The following FOXK1 variants were observed in gnomAD, a reference collection of about 807,000 sequenced individuals.
The protein encoded by FOXK1 is forkhead box protein K1.
FOXK1 carries 19 observed loss-of-function variants against 51.9 expected under a neutral mutation model. The observed-to-expected ratio is 0.37, with a 90% CI of 0.26 to 0.54. The LOEUF (loss-of-function observed/expected upper bound fraction) is 0.54, where lower values mean the gene tolerates loss of function less well. Ranked by LOEUF, FOXK1 falls within the 20% of genes least tolerant of loss-of-function variation. The pLI, the probability that FOXK1 is intolerant of heterozygous loss-of-function variation, is 0.87. For synonymous variants in FOXK1, 537 were observed against 482.6 expected, an observed-to-expected ratio of 1.11 and a Z score of -1.48; for missense variants, 870 against 1,032.7, an observed-to-expected ratio of 0.84 and a Z score of 2.16.
chr7:4,732,647 C>T (rs932428723), intron 1 of FOXK1, among the ~76,000 whole-genome samples: 13 of 152,168 alleles, frequency 8.5e-5, no homozygotes, highest in African/African-American at 2.9e-4. Flanking sequence ...GCCATAGTAA[C>T]GCAAGGCTTC....
Position 4,759,219 on chromosome 7 carries a change from T to A in FOXK1, c.1411+2T>A, listed in dbSNP as rs749368186. 1 of 1,610,650 alleles carries A rather than the reference T, an allele frequency of 6.2e-7. No individual in the cohort carries two copies. Among genetic ancestry groups the A allele is most frequent in the Admixed American group, 1.7e-5 (1 of 59,982 alleles). On this transcript the variant is annotated splice_donor_variant, in intron 6 of 8. Coordinates refer to ENST00000328914, the MANE Select transcript of FOXK1 (RefSeq NM_001037165.2). LOFTEE classifies it high-confidence loss of function. ...ACCGGTATTCCCAAAGCGCACCCGG[T>A]AAGGAGCGGGCGGCCCTCTTGCGGG...
At chr7:4,750,235 G>C (rs1000241946) in intron 2 of FOXK1, among the ~76,000 whole-genome samples, 2 of 152,124 alleles carry the variant, frequency 1.3e-5, no homozygotes, top group African/African-American at 4.8e-5. Context: ...GGCTGTCACT[G>C]TCCAGCCTCT....
At position 4,742,537 on chromosome 7, in the gene FOXK1, C is replaced by A. The variant is rs137961573; in HGVS notation, c.746+1514C>A. ...GCTCAAGCGGTCTCCCCACCTCAGC[C>A]TCCCAAGTTGCTGGGACCACAGGCA... On this transcript the variant is annotated intron_variant, in intron 2 of 8. Coordinates refer to ENST00000328914, the MANE Select transcript of FOXK1 (RefSeq NM_001037165.2). Among the ~76,000 whole-genome samples, 5 of 152,314 alleles carry A rather than the reference C, an allele frequency of 3.3e-5. No individual in the cohort carries two copies. The South Asian group carries it at 1.0e-3, about 32-fold the overall frequency.
In FOXK1 at chr7:4,710,047, C is replaced by T. The variant is rs138890633; in HGVS notation, c.560+27179C>T. 3.8e-3 allele frequency among the ~76,000 whole-genome samples: 576 copies of T among 152,286 alleles called. 2 individuals are homozygous for T. Among genetic ancestry groups the T allele is most frequent in the African/African-American group, 0.012 (485 of 41,558 alleles). ...GTTAGTTCAGCGCCACTTCTTCTTA[C>T]GGTTTTAATTGTAGTGTCAAAAAAT... On this transcript the variant is annotated intron_variant, in intron 1 of 8. Transcript: ENST00000328914.
intron 1 of FOXK1, among the ~76,000 whole-genome samples, chr7:4,696,158 C>G (rs1264215782): frequency 6.6e-6 from 1 of 151,712 alleles, no homozygotes; most frequent in South Asian, 2.1e-4. Context: ...AGTCTGACCC[C>G]TGACATACAT....
At chr7:4,710,966 C>A (rs182799301) in intron 1 of FOXK1, among the ~76,000 whole-genome samples, 113 of 152,270 alleles carry the variant, frequency 7.4e-4, no homozygotes, top group African/African-American at 2.6e-3. Context: ...CTGTCGACAC[C>A]GTCCTAGCCA....
rs1188121387 is a variant in FOXK1 at position 4,747,122 on chromosome 7, A to G, written c.746+6099A>G. 6.6e-6 allele frequency among the ~76,000 whole-genome samples: 1 copy of G among 152,040 alleles called. No individual in the cohort carries two copies. The highest frequency in any genetic ancestry group is 1.5e-5 in the Non-Finnish European group (1 of 68,006). ...GTGTTTGTCCGAATCTGTTGAAAGG[A>G]CATCCCCACGCCCGCGTTTCCTGTA... On this transcript the variant is annotated intron_variant, in intron 2 of 8. Coordinates refer to ENST00000328914, the MANE Select transcript of FOXK1 (RefSeq NM_001037165.2). This position sits in a 1 kb window ranked among gnomAD's most constrained non-coding sequence, Gnocchi z 9.2.
At chr7:4,690,882 T>C (rs1779883369) in intron 1 of FOXK1, among the ~76,000 whole-genome samples, 1 of 152,208 alleles carries the variant, frequency 6.6e-6, no homozygotes, top group Non-Finnish European at 1.5e-5. Flanking sequence ...ATTGCAGCAA[T>C]GCCTCATTTC....
intron 1 of FOXK1, among the ~76,000 whole-genome samples, chr7:4,688,091 AGCTTCCACATG>A (rs1779843365): frequency 6.6e-6 from 1 of 152,170 alleles, no homozygotes; most frequent in African/African-American, 2.4e-5. Flanking sequence ...TAGAGTAACA[AGCTTCCACATG>A]GCTGTGGCCG....
At chr7:4,712,577 A>G (rs1780188325) in intron 1 of FOXK1, among the ~76,000 whole-genome samples, 1 of 152,166 alleles carries the variant, frequency 6.6e-6, no homozygotes, top group African/African-American at 2.4e-5. Flanking sequence ...GAGTTGTTAG[A>G]ATCAAACCAC....
Position 4,723,793 on chromosome 7 carries a change from A to G in FOXK1, c.561-17045A>G, listed in dbSNP as rs1243995254. Among the ~76,000 whole-genome samples the G allele has an allele frequency of 2.0e-5, 3 of 151,920 alleles. No individual in the cohort carries two copies. Among genetic ancestry groups the G allele is most frequent in the African/African-American group, 7.3e-5 (3 of 41,348 alleles). On this transcript the variant is annotated intron_variant, in intron 1 of 8. Coordinates refer to ENST00000328914, the MANE Select transcript of FOXK1 (RefSeq NM_001037165.2). The surrounding 1 kb of genome is among the most constrained non-coding windows in gnomAD (Gnocchi z 4.7). ...AGCAATCCTCCCGCCTCAGCCTCCCAAATAGCTGAGACTACCAGTGTGCAC... is the reference window on the plus strand; with the variant it reads ...AGCAATCCTCCCGCCTCAGCCTCCCGAATAGCTGAGACTACCAGTGTGCAC...
intron 1 of FOXK1, among the ~76,000 whole-genome samples, chr7:4,685,634 C>T (rs184953014): frequency 1.3e-4 from 19 of 150,872 alleles, no homozygotes; most frequent in African/African-American, 4.6e-4. Flanking sequence ...TAAGCCTGGA[C>T]TACATTTGGT....
Position 4,734,528 on chromosome 7 carries a change from G to A in FOXK1, c.561-6310G>A, listed in dbSNP as rs866211712. ...TCCTTGATGGGGGCATTCCCCAAGT[G>A]TCTGTTCTTGTGGAAGGGGAGGTGC... On this transcript the variant is annotated intron_variant, in intron 1 of 8. Coordinates refer to ENST00000328914, the MANE Select transcript of FOXK1 (RefSeq NM_001037165.2). The surrounding 1 kb of genome is among the most constrained non-coding windows in gnomAD (Gnocchi z 5.2). Among the ~76,000 whole-genome samples the A allele has an allele frequency of 1.5e-4, 23 of 152,300 alleles. No homozygotes were observed. Among genetic ancestry groups the A allele is most frequent in the Non-Finnish European group, 2.9e-4 (20 of 68,020 alleles).
chr7:4,709,789 G>A lies in FOXK1; in HGVS notation c.560+26921G>A, dbSNP rs564425284. Among the ~76,000 whole-genome samples the A allele has an allele frequency of 3.9e-5, 6 of 152,280 alleles. No homozygotes were observed. The highest frequency in any genetic ancestry group is 2.1e-4 in the South Asian group (1 of 4,824). ...TGAGTGACCTCACGATGTGCTGTCC[G>A]TCTTCTCGCTGTTCAGCCAGCAGTT... On this transcript the variant is annotated intron_variant, in intron 1 of 8. Transcript: ENST00000328914. The surrounding 1 kb of genome is among the most constrained non-coding windows in gnomAD (Gnocchi z 5.6).
chr7:4,716,705 G>A (rs780315220), intron 1 of FOXK1, among the ~76,000 whole-genome samples: 3 of 152,218 alleles, frequency 2.0e-5, no homozygotes, highest in Non-Finnish European at 2.9e-5. Context: ...GGCACAGCAG[G>A]TTCCGGGTGG....
At chr7:4,691,366 C>T (rs928712255) in intron 1 of FOXK1, among the ~76,000 whole-genome samples, 4 of 152,262 alleles carry the variant, frequency 2.6e-5, no homozygotes, top group African/African-American at 9.6e-5. Flanking sequence ...AGAGAGCCTC[C>T]CTCTGTCTCC....
Position 4,734,442 on chromosome 7 carries a change from C to T in FOXK1, c.561-6396C>T, listed in dbSNP as rs1053709693. 6.6e-6 allele frequency among the ~76,000 whole-genome samples: 1 copy of T among 152,202 alleles called. No homozygotes were observed. Among genetic ancestry groups the T allele is most frequent in the Non-Finnish European group, 1.5e-5 (1 of 68,028 alleles). On this transcript the variant is annotated intron_variant, in intron 1 of 8. Transcript: ENST00000328914. The surrounding 1 kb of genome is among the most constrained non-coding windows in gnomAD (Gnocchi z 5.2). ...GGATGAGATGCTCTGTGGCTTCCAC[C>T]ACTCCCCAGATCGTCTGCTTCCTCC...
chr7:4,695,460 G>A (rs760453153), intron 1 of FOXK1, among the ~76,000 whole-genome samples: 2 of 152,156 alleles, frequency 1.3e-5, no homozygotes, highest in Non-Finnish European at 2.9e-5. Flanking sequence ...TTTTATATCT[G>A]TGCTGTCCAA....
rs947583481 is a variant in FOXK1, at chr7:4,718,969, C to G, written c.561-21869C>G. 1.3e-5 allele frequency among the ~76,000 whole-genome samples: 2 copies of G among 152,172 alleles called. 1 individual carries two copies. The highest frequency in any genetic ancestry group is 4.1e-4 in the South Asian group (2 of 4,822). On this transcript the variant is annotated intron_variant, in intron 1 of 8. Coordinates refer to ENST00000328914, the MANE Select transcript of FOXK1 (RefSeq NM_001037165.2). Reference sequence around the variant, plus strand: ...GGATTAGAGGGACCCGCCACCACGCCCGGCTAATTTTGTATTTTTAGTAGA... The same window carrying G: ...GGATTAGAGGGACCCGCCACCACGCGCGGCTAATTTTGTATTTTTAGTAGA...
Sources: gnomAD v4.1 joint callset for allele counts (sites outside exome capture counted in the v4.1 genomes callset) on GRCh38, gnomAD v4.1.1 for gene constraint, Gnocchi (gnomAD v3.1) non-coding constraint, MANE v1.5 for transcripts, NCBI Gene and HGNC (gene_info 2026-07-23, HGNC 2026-07-21) for gene names.